Variants in CCDC85A observed in about 807,000 individuals in gnomAD.
The protein encoded by CCDC85A is coiled-coil domain containing 85A.
A neutral mutation model predicts 50.2 loss-of-function variants in CCDC85A; 38 were observed. The ratio of observed to expected loss-of-function variants is 0.76; its 90% CI spans 0.58 to 0.99. The LOEUF (loss-of-function observed/expected upper bound fraction) is 0.99. Among genes scored for constraint, CCDC85A ranks in the 50% least tolerant of loss-of-function variants. CCDC85A has a pLI of 0.00. For missense variants in CCDC85A, 820 were observed against 742.0 expected (o/e 1.11, Z -1.22); for synonymous variants, 366 against 301.4 (o/e 1.21, Z -2.22).
At chr2:56,370,722 TC>T (rs1208789296) in intron 3 of CCDC85A, among the ~76,000 whole-genome samples, 1 of 152,114 alleles carries the variant, frequency 6.6e-6, no homozygotes, top group Non-Finnish European at 1.5e-5. Context: ...TTGGCATAGA[TC>T]CTACCTTAGA....
At chr2:56,210,099 T>C (rs533900315) in intron 2 of CCDC85A, among the ~76,000 whole-genome samples, 1 of 151,938 alleles carries the variant, frequency 6.6e-6, no homozygotes, top group Non-Finnish European at 1.5e-5. Flanking sequence ...TGGTGCAGAG[T>C]AGTAATGGCT....
At chr2:56,205,254 G>C (rs1162240430) in intron 2 of CCDC85A, among the ~76,000 whole-genome samples, 1 of 152,088 alleles carries the variant, frequency 6.6e-6, no homozygotes, top group Non-Finnish European at 1.5e-5. Flanking sequence ...AGTGGCACCA[G>C]GCTCTTCGTA....
intron 2 of CCDC85A, among the ~76,000 whole-genome samples, chr2:56,302,668 C>G (rs139761889): frequency 6.6e-6 from 1 of 152,152 alleles, no homozygotes; most frequent in Non-Finnish European, 1.5e-5. Flanking sequence ...TACAAAGTCA[C>G]CTTTCTTTAT....
At chr2:56,225,131 G>T (rs1668489844) in intron 2 of CCDC85A, among the ~76,000 whole-genome samples, 1 of 151,286 alleles carries the variant, frequency 6.6e-6, no homozygotes. Flanking sequence ...GTTTGTGTGT[G>T]GATATCCAGT....
At chr2:56,186,740 G>A (rs1676063127) in intron 1 of CCDC85A, among the ~76,000 whole-genome samples, 1 of 152,228 alleles carries the variant, frequency 6.6e-6, no homozygotes, top group Non-Finnish European at 1.5e-5. Flanking sequence ...ATGTCTGTGT[G>A]TGGGTAGGGG....
intron 1 of CCDC85A, among the ~76,000 whole-genome samples, chr2:56,191,155 G>T (rs991571229): frequency 6.6e-6 from 1 of 152,156 alleles, no homozygotes; most frequent in African/African-American, 2.4e-5. Context: ...CCACCCAGGT[G>T]CCTGCTCAAA....
intron 3 of CCDC85A, among the ~76,000 whole-genome samples, chr2:56,356,105 G>A (rs1299148880): frequency 6.6e-6 from 1 of 152,128 alleles, no homozygotes; most frequent in Non-Finnish European, 1.5e-5. Flanking sequence ...CTCATAAGAG[G>A]AAAAGATAAA....
At position 56,341,870 on chromosome 2, in the gene CCDC85A, G is replaced by A. The variant is rs77576393; in HGVS notation, c.1241-1009G>A. On this transcript the variant is annotated intron_variant, in intron 2 of 5. Transcript: ENST00000407595. Reference sequence around the variant, plus strand: ...TTCTAACTCTAAATAGCTCTTTCATGTTTTTTCTGTCAATGTCTGTAAGTT... The same window carrying A: ...TTCTAACTCTAAATAGCTCTTTCATATTTTTTCTGTCAATGTCTGTAAGTT... Among the ~76,000 whole-genome samples, 9 of 152,024 alleles carry A rather than the reference G, an allele frequency of 5.9e-5. No homozygotes were observed. The East Asian group carries it at 1.7e-3, about 29-fold the overall frequency.
At chr2:56,326,867 T>C (rs1486909710) in intron 2 of CCDC85A, among the ~76,000 whole-genome samples, 2 of 152,132 alleles carry the variant, frequency 1.3e-5, no homozygotes, top group Non-Finnish European at 2.9e-5. Context: ...AGGTAATTTT[T>C]TCAGTGCAAA....
chr2:56,274,367 AT>A (rs1670831886), intron 2 of CCDC85A, among the ~76,000 whole-genome samples: 1 of 152,150 alleles, frequency 6.6e-6, no homozygotes, highest in Admixed American at 6.5e-5. Flanking sequence ...CAAGTTTGAA[AT>A]TTTTAGGGCT....
chr2:56,208,967 G>A (rs1316983607), intron 2 of CCDC85A, among the ~76,000 whole-genome samples: 1 of 151,974 alleles, frequency 6.6e-6, no homozygotes, highest in African/African-American at 2.4e-5. Flanking sequence ...CTTTCTCAAG[G>A]ATATCTTCAT....
At chr2:56,219,642 C>T (rs376245708) in intron 2 of CCDC85A, among the ~76,000 whole-genome samples, 24 of 151,922 alleles carry the variant, frequency 1.6e-4, no homozygotes, top group African/African-American at 5.3e-4. Context: ...TTACCCTCCC[C>T]CATGCTTTTA....
chr2:56,276,161 T>C (rs1670931202), intron 2 of CCDC85A, among the ~76,000 whole-genome samples: 1 of 152,006 alleles, frequency 6.6e-6, no homozygotes. Flanking sequence ...AACTCATTAA[T>C]TTTTTTCTTA....
chr2:56,355,233 C>A (rs1405463561), intron 3 of CCDC85A, among the ~76,000 whole-genome samples: 2 of 152,154 alleles, frequency 1.3e-5, no homozygotes, highest in Non-Finnish European at 1.5e-5. Flanking sequence ...TGGGTTCTAC[C>A]CTATTCCAGG....
intron 3 of CCDC85A, among the ~76,000 whole-genome samples, chr2:56,368,121 T>C (rs1208629896): frequency 6.6e-6 from 1 of 152,202 alleles, no homozygotes; most frequent in African/African-American, 2.4e-5. Context: ...TCACGTCTGA[T>C]AGTTACTAAA....
At position 56,189,284 on chromosome 2, in the gene CCDC85A, G is replaced by A. The variant is rs560110888; in HGVS notation, c.277-3193G>A. Among the ~76,000 whole-genome samples, 13 of 115,644 alleles carry A rather than the reference G, an allele frequency of 1.1e-4. No individual in the cohort carries two copies. In the South Asian group the frequency reaches 2.9e-3, roughly 26 times the overall value. 75.9% of individuals were successfully genotyped at this position (115,644 alleles called of 152,430 possible). Reference sequence around the variant, plus strand: ...AAACAGGAGAGGCAAAACATGCACGGGGTATTTTTGGTGTTTTTTTTTTTT... The same window carrying A: ...AAACAGGAGAGGCAAAACATGCACGAGGTATTTTTGGTGTTTTTTTTTTTT... On this transcript the variant is annotated intron_variant, in intron 1 of 5. Transcript: ENST00000407595.
At chr2:56,321,791 A>G (rs75241943) in intron 2 of CCDC85A, among the ~76,000 whole-genome samples, 1,926 of 152,258 alleles carry the variant, frequency 0.013, 51 homozygotes, top group African/African-American at 0.043. Flanking sequence ...GGATAAAACT[A>G]CTTTAAAGTT....
intron 2 of CCDC85A, among the ~76,000 whole-genome samples, chr2:56,290,423 C>T (rs4672107): frequency 0.19 from 28,968 of 151,838 alleles, 3,896 homozygotes; most frequent in African/African-American, 0.37. Context: ...CCTGTGTTTA[C>T]AGGTGATCAA....
At position 56,384,723 on chromosome 2, in the gene CCDC85A, C is replaced by T. The variant is rs1573386128; in HGVS notation, c.*368C>T. The T allele has an allele frequency of 5.6e-6, 1 of 178,964 alleles. No individual in the cohort carries two copies. Among genetic ancestry groups the T allele is most frequent in the African/African-American group, 2.4e-5 (1 of 42,458 alleles). 11.1% of individuals were successfully genotyped at this position (178,964 alleles called of 1,614,324 possible). On this transcript the variant is annotated 3_prime_UTR_variant, in exon 6 of 6. Transcript: ENST00000407595. ...TAGTTTTAAGAGTCCAGTGGAGCCT[C>T]AGTGTTTTGAATAGAGATGACTCAT...
Sources: allele counts gnomAD v4.1 joint callset (sites outside exome capture counted in the v4.1 genomes callset), GRCh38; gene constraint gnomAD v4.1.1; transcripts MANE v1.5; gene names NCBI Gene and HGNC (gene_info 2026-07-23, HGNC 2026-07-21).